The following TMEM165 variants were observed in gnomAD, a reference collection of about 807,000 sequenced individuals.
The protein encoded by TMEM165 is putative divalent cation/proton antiporter TMEM165.
TMEM165 carries 19 observed loss-of-function variants against 30.0 expected under a neutral mutation model. That is an observed-to-expected ratio of 0.63 (90% CI 0.44 to 0.93). The LOEUF (loss-of-function observed/expected upper bound fraction) is 0.93, where lower values mean the gene tolerates loss of function less well. Ranked by LOEUF, TMEM165 falls within the 40% of genes least tolerant of loss-of-function variation. TMEM165 has a pLI of 0.00. For synonymous variants in TMEM165, 168 were observed against 162.9 expected, an observed-to-expected ratio of 1.03 and a Z score of -0.24; for missense variants, 340 against 417.0, an observed-to-expected ratio of 0.82 and a Z score of 1.61.
intron 1 of TMEM165, among the ~76,000 whole-genome samples, chr4:55,401,061 A>AG (rs890882248): frequency 6.6e-6 from 1 of 150,422 alleles, no homozygotes; most frequent in Non-Finnish European, 1.5e-5. Flanking sequence ...CTGAAAATGG[A>AG]GGGGGGAAGC....
At chr4:55,410,911 T>A (rs770669697) in intron 1 of TMEM165, among the ~76,000 whole-genome samples, 7 of 152,106 alleles carry the variant, frequency 4.6e-5, no homozygotes, top group Non-Finnish European at 8.8e-5. Context: ...GGTGGGTGGA[T>A]CACTTGAGGT....
chr4:55,446,101 CTTT>C (rs766235766), intron 3 of TMEM165, among the ~76,000 whole-genome samples: 67 of 107,322 alleles, frequency 6.2e-4, no homozygotes, highest in Non-Finnish European at 7.7e-4. Flanking sequence ...AATTTAACTT[CTTT>C]TTTTTTTTTT....
chr4:55,400,384 TAATA>T (rs1443505549), intron 1 of TMEM165, among the ~76,000 whole-genome samples: 1 of 121,418 alleles, frequency 8.2e-6, no homozygotes, highest in African/African-American at 3.1e-5. Context: ...AATATAATAA[TAATA>T]AATAATATTA....
chr4:55,416,416 C>T (rs1451207700), intron 2 of TMEM165, among the ~76,000 whole-genome samples: 2 of 152,118 alleles, frequency 1.3e-5, no homozygotes, highest in Admixed American at 1.3e-4. Context: ...GATATAGTTC[C>T]AAGCATCATT....
chr4:55,440,668 A>G (rs1021833381), intron 3 of TMEM165, among the ~76,000 whole-genome samples: 1 of 152,274 alleles, frequency 6.6e-6, no homozygotes, highest in Non-Finnish European at 1.5e-5. Context: ...ACTTAGTCAC[A>G]GAAGTACTAA....
intron 1 of TMEM165, among the ~76,000 whole-genome samples, chr4:55,408,870 A>G (rs1721376290): frequency 6.6e-6 from 1 of 152,080 alleles, no homozygotes; most frequent in African/African-American, 2.4e-5. Flanking sequence ...AACCTTTAAA[A>G]AGCATTTTCA....
intron 1 of TMEM165, among the ~76,000 whole-genome samples, chr4:55,402,423 A>ATTTTTTTTTTTTTT: frequency 1.8e-5 from 1 of 54,218 alleles, no homozygotes; most frequent in South Asian, 6.9e-4. Flanking sequence ...ATATATATAT[A>ATTTTTTTTTTTTTT]TATATATATA....
At chr4:55,440,103 T>A (rs931706474) in intron 3 of TMEM165, among the ~76,000 whole-genome samples, 1 of 152,186 alleles carries the variant, frequency 6.6e-6, no homozygotes, top group Admixed American at 6.5e-5. Context: ...GGCACATGAT[T>A]CATCTGCTAC....
At chr4:55,430,986 A>C (rs956388721), downstream of TMEM165, 1 of 152,192 alleles carries the variant, frequency 6.6e-6, no homozygotes, top group Non-Finnish European at 1.5e-5. Flanking sequence ...CTGGACCTAA[A>C]CATTTCTCAG....
intron 3 of TMEM165, chr4:55,435,172 C>G: frequency 1.9e-6 from 1 of 522,794 alleles, no homozygotes; most frequent in East Asian, 3.3e-5. Flanking sequence ...AAAAAATATC[C>G]AGGCACCTAA....
intron 3 of TMEM165, chr4:55,450,062 GA>G: frequency 6.2e-7 from 1 of 1,613,622 alleles, no homozygotes; most frequent in Non-Finnish European, 8.5e-7. Context: ...TACTTTAAAG[GA>G]AGTCTGCTTT....
chr4:55,417,604 G>A (rs896142740), intron 3 of TMEM165, 199 bp from the exon 4 acceptor site: 2 of 587,400 alleles, frequency 3.4e-6, no homozygotes, highest in East Asian at 2.9e-5. Flanking sequence ...TTCAGCTGAG[G>A]AGAAACGGAA....
At chr4:55,403,174 T>A in intron 1 of TMEM165, 2 of 1,025,652 alleles carry the variant, frequency 1.9e-6, no homozygotes, top group South Asian at 2.7e-5. Flanking sequence ...TCCTTTGTCT[T>A]CAGATAATCT....
At chr4:55,442,091 T>G (rs541587009) in intron 3 of TMEM165, among the ~76,000 whole-genome samples, 1 of 152,300 alleles carries the variant, frequency 6.6e-6, no homozygotes, top group East Asian at 1.9e-4. Context: ...TAACCACTGT[T>G]ACTACATGGA....
chr4:55,425,363 C>A lies in TMEM165; in HGVS notation c.899-13C>A, dbSNP rs1274559513. 6.2e-7 allele frequency: 1 copy of A among 1,607,820 alleles called. No homozygotes were observed. On this transcript the variant is annotated splice_polypyrimidine_tract_variant and intron_variant, in intron 5 of 5. Transcript: ENST00000381334. ...AATTTTACTGTATTTGACTTTTTTT[C>A]TCTCTCTTCCAGTGACAATCATAGG... is the stretch of plus-strand genomic sequence containing the variant.
intron 3 of TMEM165, among the ~76,000 whole-genome samples, chr4:55,451,651 T>A (rs910073983): frequency 6.6e-6 from 1 of 152,216 alleles, no homozygotes; most frequent in South Asian, 2.1e-4. Flanking sequence ...TTTACTAGGA[T>A]TGAATCTTTG....
chr4:55,429,632 G>A (rs942391246), downstream of TMEM165: 1 of 152,192 alleles, frequency 6.6e-6, no homozygotes, highest in Non-Finnish European at 1.5e-5. Flanking sequence ...ATTAAAAGAT[G>A]CTATTTCTTT....
chr4:55,406,209 A>C (rs1334799585), intron 1 of TMEM165, among the ~76,000 whole-genome samples: 2 of 152,240 alleles, frequency 1.3e-5, no homozygotes, highest in Non-Finnish European at 2.9e-5. Context: ...GCCTGAAGTC[A>C]GTCACAGCTT....
At chr4:55,427,036 A>AG (rs1446382938), downstream of TMEM165, among the ~76,000 whole-genome samples, 1 of 56,522 alleles carries the variant, frequency 1.8e-5, no homozygotes, top group Non-Finnish European at 3.5e-5. Context: ...TCTCACTAGT[A>AG]TTTTTTTTTT....
Sources: allele counts gnomAD v4.1 joint callset (sites outside exome capture counted in the v4.1 genomes callset), GRCh38; gene constraint gnomAD v4.1.1; transcripts MANE v1.5; gene names NCBI Gene and HGNC (gene_info 2026-07-23, HGNC 2026-07-21).